The following CLVS1 variants were observed in gnomAD, a reference collection of about 807,000 sequenced individuals.
CLVS1 encodes the protein clavesin 1, also known as clavesin-1.
A neutral mutation model predicts 33.1 loss-of-function variants in CLVS1; 10 were observed. That is an observed-to-expected ratio of 0.30 (90% CI 0.19 to 0.51). The LOEUF (loss-of-function observed/expected upper bound fraction) is 0.51, where lower values mean the gene tolerates loss of function less well. Among genes scored for constraint, CLVS1 ranks in the 20% least tolerant of loss-of-function variants. The pLI is 0.97. For synonymous variants in CLVS1, 163 were observed against 166.1 expected, an observed-to-expected ratio of 0.98 and a Z score of 0.14; for missense variants, 343 against 433.4, an observed-to-expected ratio of 0.79 and a Z score of 1.85.
chr8:61,463,532 C>T (rs1334205392), intron 5 of CLVS1, among the ~76,000 whole-genome samples: 1 of 152,084 alleles, frequency 6.6e-6, no homozygotes, highest in South Asian at 2.1e-4. Flanking sequence ...CACTTAGAAG[C>T]CATTGTAAGG....
At chr8:61,033,047 A>AAGAAAGAG in the CLVS1 span, among the ~76,000 whole-genome samples, 55 of 77,926 alleles carry the variant, frequency 7.1e-4, 2 homozygotes, top group Admixed American at 1.4e-3. Flanking sequence ...GAAAGAAAGA[A>AAGAAAGAG]AAAGAAAGAA....
chr8:61,232,560 A>G (rs1311290890), intron 2 of CLVS1, among the ~76,000 whole-genome samples: 1 of 152,312 alleles, frequency 6.6e-6, no homozygotes, highest in East Asian at 1.9e-4. Flanking sequence ...CATCTCCATA[A>G]AATATTTTAC....
At chr8:61,295,920 A>G (rs528948002) in intron 1 of CLVS1, among the ~76,000 whole-genome samples, 2 of 152,318 alleles carry the variant, frequency 1.3e-5, no homozygotes, top group East Asian at 1.9e-4. Context: ...ATAATAAATA[A>G]TAAGCACTAT....
At chr8:61,417,553 T>C (rs1214775949) in intron 3 of CLVS1, among the ~76,000 whole-genome samples, 1 of 152,292 alleles carries the variant, frequency 6.6e-6, no homozygotes, top group East Asian at 1.9e-4. Context: ...CACTATAAAA[T>C]CACTCCTCTT....
chr8:60,995,931 A>G, the CLVS1 span, among the ~76,000 whole-genome samples: 1 of 152,180 alleles, frequency 6.6e-6, no homozygotes, highest in African/African-American at 2.4e-5. Context: ...CAAACACCGC[A>G]TATTCTCACT....
chr8:61,192,197 G>A (rs965677545), intron 2 of CLVS1, among the ~76,000 whole-genome samples: 5 of 152,170 alleles, frequency 3.3e-5, no homozygotes, highest in Non-Finnish European at 7.4e-5. Flanking sequence ...CAATGGAACA[G>A]AACAGAGCCC....
intron 3 of CLVS1, among the ~76,000 whole-genome samples, chr8:61,451,816 G>C (rs561985267): frequency 3.4e-4 from 47 of 139,448 alleles, no homozygotes; most frequent in African/African-American, 9.1e-4. Context: ...CACACACAGA[G>C]AGAGAGAGAG....
chr8:61,295,740 C>T (rs1810172906), intron 1 of CLVS1, among the ~76,000 whole-genome samples: 1 of 152,058 alleles, frequency 6.6e-6, no homozygotes, highest in Non-Finnish European at 1.5e-5. Flanking sequence ...CAGTTTCTGC[C>T]TCTTAGTGTC....
intron 1 of CLVS1, among the ~76,000 whole-genome samples, chr8:61,069,974 G>C (rs1288058716): frequency 6.6e-6 from 1 of 152,000 alleles, no homozygotes; most frequent in Non-Finnish European, 1.5e-5. Flanking sequence ...TGTATTTTTA[G>C]TAGAGACAGG....
chr8:61,237,753 T>C (rs1330215863), intron 2 of CLVS1, among the ~76,000 whole-genome samples: 2 of 152,190 alleles, frequency 1.3e-5, no homozygotes, highest in African/African-American at 4.8e-5. Context: ...GCCTGTGTAC[T>C]ACCTATGAAT....
chr8:61,339,753 G>C (rs1811946990), intron 2 of CLVS1, among the ~76,000 whole-genome samples: 1 of 149,528 alleles, frequency 6.7e-6, no homozygotes, highest in Non-Finnish European at 1.5e-5. Flanking sequence ...GAGAGAAGGA[G>C]GGAGGGAGAA....
intron 3 of CLVS1, among the ~76,000 whole-genome samples, chr8:61,381,912 G>A (rs1781018431): frequency 2.0e-5 from 3 of 152,136 alleles, no homozygotes; most frequent in African/African-American, 4.8e-5. Context: ...GCATGCATGT[G>A]CCTTTGTGGT....
In CLVS1 at chr8:61,454,253, T is replaced by G; in HGVS notation, c.741+2T>G. On this transcript the variant is annotated splice_donor_variant, in intron 4 of 5. Transcript: ENST00000325897. LOFTEE classifies it high-confidence loss of function. The stretch of plus-strand genomic sequence containing the variant: ...CTTAAAGACAAGACCAGGAAACGGG[T>G]AATGAAAACAAATGCATCATGTAAA... 6.2e-7 allele frequency: 1 copy of G among 1,602,702 alleles called. No individual in the cohort carries two copies. The highest frequency in any genetic ancestry group is 8.6e-7 in the Non-Finnish European group (1 of 1,169,568).
intron 1 of CLVS1, among the ~76,000 whole-genome samples, chr8:61,095,983 G>A (rs901848575): frequency 3.3e-5 from 5 of 152,166 alleles, no homozygotes; most frequent in Non-Finnish European, 7.3e-5. Flanking sequence ...TTTCAACAGA[G>A]GAAACAGAGA....
chr8:61,441,449 C>T (rs948300912), intron 3 of CLVS1, among the ~76,000 whole-genome samples: 5 of 152,022 alleles, frequency 3.3e-5, no homozygotes, highest in African/African-American at 1.2e-4. Flanking sequence ...GGAGGGGTCT[C>T]ATTTTAGTTT....
In CLVS1 at chr8:61,202,839, T is replaced by C. The variant is rs1189345252; in HGVS notation, c.-152+70979T>C. The C allele has an allele frequency of 7.3e-6, 7 of 952,508 alleles. No homozygotes were observed. In the African/African-American group the frequency reaches 8.4e-5, roughly 11 times the overall value. 59.0% of individuals were successfully genotyped at this position (952,508 alleles called of 1,614,324 possible). On this transcript the variant is annotated intron_variant, in intron 2 of 2. Coordinates refer to the CLVS1 transcript ENST00000522621. ...AAGTAAAACTTGCTGCTGATGAAGA[T>C]GATGATGATGATGAAGAAGATGATG...
intron 2 of CLVS1, among the ~76,000 whole-genome samples, chr8:61,218,361 A>G (rs1454996419): frequency 2.6e-5 from 4 of 152,178 alleles, no homozygotes; most frequent in African/African-American, 9.7e-5. Context: ...TCAACATGGA[A>G]GGAATGGAGG....
chr8:61,098,157 C>T (rs1805385685), intron 1 of CLVS1, among the ~76,000 whole-genome samples: 1 of 152,022 alleles, frequency 6.6e-6, no homozygotes, highest in African/African-American at 2.4e-5. Context: ...GAGACTCTGT[C>T]TTTCTAAAAG....
At chr8:61,282,788 C>T (rs1809699926) in intron 2 of CLVS1, among the ~76,000 whole-genome samples, 1 of 152,184 alleles carries the variant, frequency 6.6e-6, no homozygotes. Context: ...AAGTATGGAT[C>T]TATTTCCTGC....
Sources: allele counts gnomAD v4.1 joint callset (sites outside exome capture counted in the v4.1 genomes callset), GRCh38; gene constraint gnomAD v4.1.1; transcripts MANE v1.5; gene names NCBI Gene and HGNC (gene_info 2026-07-23, HGNC 2026-07-21).